The following FAM83B variants were observed in gnomAD, a reference collection of about 807,000 sequenced individuals.
FAM83B encodes the protein scaffolding CK1 anchoring protein B, also known as protein FAM83B.
FAM83B carries 26 observed loss-of-function variants against 38.8 expected under a neutral mutation model. The observed-to-expected ratio is 0.67, with a 90% CI of 0.49 to 0.93. The LOEUF is 0.93. FAM83B is among the 40% of genes least tolerant of loss of function. The probability of loss-of-function intolerance (pLI) is 0.00; values close to 1 mark genes in which losing one functional copy is unlikely to be tolerated. For missense variants in FAM83B, 1,237 were observed against 1,197.3 expected, an observed-to-expected ratio of 1.03 and a Z score of -0.49; for synonymous variants, 419 against 423.1, an observed-to-expected ratio of 0.99 and a Z score of 0.12.
chr6:54,869,819 C>G (rs946118464), intron 1 of FAM83B, among the ~76,000 whole-genome samples: 1 of 152,156 alleles, frequency 6.6e-6, no homozygotes, highest in South Asian at 2.1e-4. Flanking sequence ...TTAATAAATT[C>G]CTGAAAGACC....
At chr6:54,937,837 A>G (rs1246625121) in intron 4 of FAM83B, among the ~76,000 whole-genome samples, 1 of 152,120 alleles carries the variant, frequency 6.6e-6, no homozygotes, top group Non-Finnish European at 1.5e-5. Context: ...TTTGACACAG[A>G]TGTAAAATAC....
chr6:54,899,024 T>G (rs1772599056), intron 2 of FAM83B, among the ~76,000 whole-genome samples: 1 of 152,190 alleles, frequency 6.6e-6, no homozygotes, highest in Non-Finnish European at 1.5e-5. Context: ...GACTCAAATC[T>G]TTGTTTATGC....
At chr6:54,882,818 C>A (rs1772163132) in intron 2 of FAM83B, among the ~76,000 whole-genome samples, 1 of 152,172 alleles carries the variant, frequency 6.6e-6, no homozygotes, top group Non-Finnish European at 1.5e-5. Flanking sequence ...TCTTTCCCAA[C>A]TTTTTGCCTC....
chr6:54,892,327 A>G (rs1300126580), intron 2 of FAM83B, among the ~76,000 whole-genome samples: 1 of 151,882 alleles, frequency 6.6e-6, no homozygotes, highest in African/African-American at 2.4e-5. Flanking sequence ...TTATATAAAT[A>G]AAATCATGTC....
intron 1 of FAM83B, among the ~76,000 whole-genome samples, chr6:54,857,891 GA>G (rs926316059): frequency 6.6e-5 from 10 of 151,610 alleles, no homozygotes; most frequent in African/African-American, 1.9e-4. Context: ...AGATAGAAAT[GA>G]AAAAAAAGGA....
intron 2 of FAM83B, among the ~76,000 whole-genome samples, chr6:54,917,156 G>T (rs1008402734): frequency 1.3e-5 from 2 of 152,128 alleles, no homozygotes; most frequent in South Asian, 4.1e-4. Context: ...TCTCAATACT[G>T]TGTACTCTTT....
intron 2 of FAM83B, among the ~76,000 whole-genome samples, chr6:54,892,035 T>C (rs1185775174): frequency 1.3e-5 from 2 of 152,172 alleles, no homozygotes; most frequent in Non-Finnish European, 2.9e-5. Flanking sequence ...TTCTGCCCTC[T>C]ACATTTGGTA....
chr6:54,854,719 T>G (rs1771401495), intron 1 of FAM83B, among the ~76,000 whole-genome samples: 1 of 152,216 alleles, frequency 6.6e-6, no homozygotes, highest in South Asian at 2.1e-4. Flanking sequence ...CTCACTTTAT[T>G]GTGGTGTCTG....
At chr6:54,854,264 T>C (rs2127571748) in intron 1 of FAM83B, among the ~76,000 whole-genome samples, 1 of 152,350 alleles carries the variant, frequency 6.6e-6, no homozygotes, top group East Asian at 1.9e-4. Context: ...AAAACTTAGT[T>C]GGTAAAACAG....
intron 1 of FAM83B, among the ~76,000 whole-genome samples, chr6:54,866,227 A>G (rs1283829540): frequency 6.6e-6 from 1 of 150,992 alleles, no homozygotes; most frequent in Non-Finnish European, 1.5e-5. Context: ...TCTAAGTCTC[A>G]TGACATTGCT....
intron 2 of FAM83B, among the ~76,000 whole-genome samples, chr6:54,915,876 C>T (rs959078634): frequency 6.8e-6 from 1 of 148,094 alleles, no homozygotes; most frequent in Middle Eastern, 3.2e-3. Context: ...TATACAAACA[C>T]GTTAATTTTC....
At chr6:54,871,555 CAATAATAATAAT>C (rs3064912) in intron 2 of FAM83B, among the ~76,000 whole-genome samples, 43 of 127,140 alleles carry the variant, frequency 3.4e-4, no homozygotes, top group East Asian at 9.0e-4. Context: ...CTCGTCTCTA[CAATAATAATAAT>C]AATAATAATA....
At chr6:54,904,959 C>T (rs764295090) in intron 2 of FAM83B, among the ~76,000 whole-genome samples, 8 of 152,062 alleles carry the variant, frequency 5.3e-5, no homozygotes, top group South Asian at 4.2e-4. Context: ...GGGAGATCAA[C>T]GATCTGTAAA....
rs144115252 is a variant in FAM83B at position 54,851,975 on chromosome 6, G to A, written c.-61+5149G>A. Among the ~76,000 whole-genome samples, 1,027 of 142,894 alleles carry A rather than the reference G, an allele frequency of 7.2e-3. 11 individuals carry two copies. Among genetic ancestry groups the A allele is most frequent in the African/African-American group, 0.022 (897 of 40,912 alleles). 93.7% of individuals were successfully genotyped at this position (142,894 alleles called of 152,430 possible). ...TTTTTGTGTTTTTAGTAGGGACGGA[G>A]TTTCACTATGTTGGCCTGGCTGGTC... On this transcript the variant is annotated intron_variant, in intron 1 of 4. Coordinates refer to ENST00000306858, the MANE Select transcript of FAM83B (RefSeq NM_001010872.3).
chr6:54,929,945 C>T (rs1231873505), intron 4 of FAM83B, among the ~76,000 whole-genome samples: 1 of 152,060 alleles, frequency 6.6e-6, no homozygotes, highest in East Asian at 1.9e-4. Context: ...GTCCTGATCT[C>T]CAGATGCAGT....
At position 54,939,694 on chromosome 6, in the gene FAM83B, T is replaced by G; in HGVS notation, c.735-12T>G. On this transcript the variant is annotated splice_polypyrimidine_tract_variant and intron_variant, in intron 4 of 4. Transcript: ENST00000306858. ...TTTTAAATGATTAAAATTTTTCCAT[T>G]TTTTTCCCCAGTTATATGTGGTCAT... The G allele has an allele frequency of 6.5e-7, 1 of 1,547,840 alleles. No homozygotes were observed. Among genetic ancestry groups the G allele is most frequent in the Non-Finnish European group, 8.7e-7 (1 of 1,151,866 alleles).
intron 2 of FAM83B, among the ~76,000 whole-genome samples, chr6:54,924,232 T>C (rs1281204474): frequency 6.6e-6 from 1 of 151,618 alleles, no homozygotes; most frequent in East Asian, 1.9e-4. Flanking sequence ...CACCACATTT[T>C]CTTTGTGCAT....
intron 1 of FAM83B, among the ~76,000 whole-genome samples, chr6:54,852,758 T>G (rs1204050930): frequency 6.6e-6 from 1 of 152,186 alleles, no homozygotes; most frequent in Non-Finnish European, 1.5e-5. Flanking sequence ...GCTACTCCAG[T>G]AAACACACAC....
intron 4 of FAM83B, among the ~76,000 whole-genome samples, chr6:54,927,934 G>A (rs1773339987): frequency 6.6e-6 from 1 of 152,038 alleles, no homozygotes; most frequent in Non-Finnish European, 1.5e-5. Context: ...AAGTGGTTTT[G>A]CTCCTTATGG....
Sources: allele counts gnomAD v4.1 joint callset (sites outside exome capture counted in the v4.1 genomes callset), GRCh38; gene constraint gnomAD v4.1.1; transcripts MANE v1.5; gene names NCBI Gene and HGNC (gene_info 2026-07-23, HGNC 2026-07-21).